Variants in DPF3 observed in about 807,000 individuals in gnomAD.
The protein encoded by DPF3 is double PHD fingers 3.
A neutral mutation model predicts 56.8 loss-of-function variants in DPF3; 18 were observed. The observed-to-expected ratio is 0.32, with a 90% CI of 0.22 to 0.47. The LOEUF is 0.47. Ranked by LOEUF, DPF3 falls within the 20% of genes least tolerant of loss-of-function variation. The probability of loss-of-function intolerance (pLI) is 1.00; values close to 1 mark genes in which losing one functional copy is unlikely to be tolerated. For synonymous variants in DPF3, 188 were observed against 180.2 expected (o/e 1.04, Z -0.35); for missense variants, 403 against 488.8 (o/e 0.82, Z 1.65).
chr14:72,695,093 AG>A (rs1195626028), intron 6 of DPF3, among the ~76,000 whole-genome samples: 5 of 152,196 alleles, frequency 3.3e-5, no homozygotes, highest in African/African-American at 7.2e-5. Context: ...ATCTTTTATT[AG>A]GTTTCAATTT....
intron 6 of DPF3, among the ~76,000 whole-genome samples, chr14:72,699,692 T>C (rs763255590): frequency 4.5e-4 from 68 of 152,206 alleles, no homozygotes; most frequent in Admixed American, 9.8e-4. Context: ...TCCAAGTGCT[T>C]CAAGTAAATT....
At chr14:72,789,346 G>A (rs1292607023) in intron 1 of DPF3, among the ~76,000 whole-genome samples, 6 of 152,080 alleles carry the variant, frequency 3.9e-5, no homozygotes. Flanking sequence ...TCAGTCACAG[G>A]CCCACGGTCA....
chr14:72,867,901 G>C (rs1291571858), intron 1 of DPF3, among the ~76,000 whole-genome samples: 1 of 152,002 alleles, frequency 6.6e-6, no homozygotes, highest in Non-Finnish European at 1.5e-5. Flanking sequence ...ACCATGCCTG[G>C]CTATTTTTTT....
chr14:72,768,741 T>A (rs1251426828), intron 2 of DPF3, among the ~76,000 whole-genome samples: 4 of 152,214 alleles, frequency 2.6e-5, no homozygotes, highest in African/African-American at 9.6e-5. Flanking sequence ...CAACTGTGTA[T>A]TGAGTTAGTG....
Position 72,887,331 on chromosome 14 carries a change from G to T in DPF3, c.32+6726C>A, listed in dbSNP as rs189443000. Among the ~76,000 whole-genome samples the T allele has an allele frequency of 1.9e-4, 29 of 152,252 alleles. No individual in the cohort carries two copies. In the East Asian group the frequency reaches 5.4e-3, roughly 28 times the overall value. On this transcript the variant is annotated intron_variant, in intron 1 of 10. Transcript: ENST00000556509. ...TCATCAGCTTCTGGATGGGATGCTA[G>T]TGAGAAGAAAATCACTGAAAAGGAA...
At chr14:72,769,506 C>A (rs1374278755) in intron 2 of DPF3, among the ~76,000 whole-genome samples, 1 of 151,946 alleles carries the variant, frequency 6.6e-6, no homozygotes, top group African/African-American at 2.4e-5. Flanking sequence ...ATGGTGAAAC[C>A]CCATCTCTGC....
chr14:72,807,491 A>T (rs1882833910), intron 1 of DPF3, among the ~76,000 whole-genome samples: 2 of 152,166 alleles, frequency 1.3e-5, no homozygotes. Context: ...GTTTTGACAG[A>T]GGGCCCTTTG....
At position 72,723,627 on chromosome 14, in the gene DPF3, A is replaced by G. The variant is rs774788033; in HGVS notation, c.525+6T>C. Reference sequence around the variant, plus strand: ...TCTTTCCTCGCTCATGTCATCCCCAACTTACCCGTCCTCTAGTCCTGTTCT... The same window carrying G: ...TCTTTCCTCGCTCATGTCATCCCCAGCTTACCCGTCCTCTAGTCCTGTTCT... On this transcript the variant is annotated splice_donor_region_variant and intron_variant, in intron 5 of 10. Coordinates refer to ENST00000556509, the MANE Select transcript of DPF3 (RefSeq NM_001280542.3). 6.4e-7 allele frequency: 1 copy of G among 1,560,454 alleles called. No individual in the cohort carries two copies. Among genetic ancestry groups the G allele is most frequent in the Non-Finnish European group, 8.6e-7 (1 of 1,162,412 alleles).
intron 8 of DPF3, among the ~76,000 whole-genome samples, chr14:72,650,526 G>C (rs1885877752): frequency 6.6e-6 from 1 of 152,190 alleles, no homozygotes; most frequent in Non-Finnish European, 1.5e-5. Flanking sequence ...TTCTCTGTTA[G>C]ACAAGCTCTA....
intron 6 of DPF3, among the ~76,000 whole-genome samples, chr14:72,712,444 C>T (rs1888694900): frequency 6.6e-6 from 1 of 152,122 alleles, no homozygotes; most frequent in African/African-American, 2.4e-5. Flanking sequence ...GAAAAGGGCA[C>T]ACAGGTGTGT....
At chr14:72,871,560 G>A (rs1885902497) in intron 1 of DPF3, among the ~76,000 whole-genome samples, 1 of 152,222 alleles carries the variant, frequency 6.6e-6, no homozygotes, top group Non-Finnish European at 1.5e-5. Context: ...TTTGACTCCA[G>A]GTCTCACATC....
intron 6 of DPF3, among the ~76,000 whole-genome samples, chr14:72,707,507 G>A (rs1403334528): frequency 2.0e-5 from 3 of 152,152 alleles, no homozygotes; most frequent in African/African-American, 4.8e-5. Flanking sequence ...AGCAAATTAC[G>A]AGACATGTCC....
intron 3 of DPF3, among the ~76,000 whole-genome samples, chr14:72,751,904 C>G (rs1225169717): frequency 6.6e-6 from 1 of 152,122 alleles, no homozygotes; most frequent in Non-Finnish European, 1.5e-5. Flanking sequence ...TTGTCATCAC[C>G]CTGGAGTATT....
intron 8 of DPF3, among the ~76,000 whole-genome samples, chr14:72,673,357 C>T (rs989450805): frequency 1.3e-5 from 2 of 152,198 alleles, no homozygotes; most frequent in African/African-American, 4.8e-5. Flanking sequence ...GTTTCACCTA[C>T]TCATATCAGG....
intron 8 of DPF3, among the ~76,000 whole-genome samples, chr14:72,640,661 T>C (rs1329017626): frequency 6.6e-6 from 1 of 152,178 alleles, no homozygotes; most frequent in Non-Finnish European, 1.5e-5. Context: ...TCAAGATTCC[T>C]AGGTTGGGCC....
chr14:72,819,867 G>A (rs1443565601), intron 1 of DPF3, among the ~76,000 whole-genome samples: 3 of 152,176 alleles, frequency 2.0e-5, no homozygotes, highest in African/African-American at 4.8e-5. Context: ...GAGCCCAGGA[G>A]GCAAAGGTTG....
chr14:72,743,056 G>A (rs960331950), intron 3 of DPF3, among the ~76,000 whole-genome samples: 1 of 152,150 alleles, frequency 6.6e-6, no homozygotes, highest in Admixed American at 6.5e-5. Flanking sequence ...TTCCCCCAAC[G>A]ACATGGGATG....
chr14:72,813,446 C>A (rs866096313), intron 1 of DPF3, among the ~76,000 whole-genome samples: 1 of 152,218 alleles, frequency 6.6e-6, no homozygotes. Context: ...AAAAGCTTTG[C>A]AAACTCTGAC....
chr14:72,728,914 G>A (rs750446899), intron 4 of DPF3, among the ~76,000 whole-genome samples: 16 of 152,152 alleles, frequency 1.1e-4, no homozygotes, highest in Non-Finnish European at 2.2e-4. Context: ...GTCAGGGCAA[G>A]GGTGTGAGAT....
Sources: allele counts gnomAD v4.1 joint callset (sites outside exome capture counted in the v4.1 genomes callset), GRCh38; gene constraint gnomAD v4.1.1; transcripts MANE v1.5; gene names NCBI Gene and HGNC (gene_info 2026-07-23, HGNC 2026-07-21).